Variants in CSMD1 observed in about 807,000 individuals in gnomAD.
The protein encoded by CSMD1 is CUB and sushi domain-containing protein 1.
CSMD1 carries 213 observed loss-of-function variants against 417.5 expected under a neutral mutation model. The ratio of observed to expected loss-of-function variants is 0.51; its 90% CI spans 0.46 to 0.57. The LOEUF (loss-of-function observed/expected upper bound fraction) is 0.57, where lower values mean the gene tolerates loss of function less well. Ranked by LOEUF, CSMD1 falls within the 20% of genes least tolerant of loss-of-function variation. The pLI is 0.00. For missense variants in CSMD1, 6,923 were observed against 4,529.7 expected (o/e 1.53, Z -15.17); for synonymous variants, 2,862 against 1,736.8 (o/e 1.65, Z -16.11).
At chr8:3,175,555 C>G (rs1325152288) in intron 37 of CSMD1, among the ~76,000 whole-genome samples, 4 of 144,990 alleles carry the variant, frequency 2.8e-5, no homozygotes, top group African/African-American at 7.6e-5. Context: ...CTCCCTCTCT[C>G]CCTCCCTGCC....
intron 37 of CSMD1, 122 bp from the exon 38 acceptor site, chr8:3,162,399 T>C: frequency 1.5e-6 from 1 of 666,946 alleles, no homozygotes; most frequent in Non-Finnish European, 2.6e-6. Flanking sequence ...CTTCAACTCT[T>C]TCTCTTGTTA....
chr8:4,165,547 G>C (rs1275288018), intron 3 of CSMD1, among the ~76,000 whole-genome samples: 1 of 152,114 alleles, frequency 6.6e-6, no homozygotes, highest in African/African-American at 2.4e-5. Flanking sequence ...GGGACCTCCG[G>C]TGCACCACCA....
intron 1 of CSMD1, among the ~76,000 whole-genome samples, chr8:4,881,460 T>TATCTATCTATCTATC (rs138999962): frequency 3.5e-4 from 36 of 104,124 alleles, no homozygotes; most frequent in East Asian, 1.1e-3. Context: ...TCTATCTATC[T>TATCTATCTATCTATC]ATCTTGTCTC....
At chr8:3,544,535 C>T (rs561289161) in intron 10 of CSMD1, among the ~76,000 whole-genome samples, 12 of 152,182 alleles carry the variant, frequency 7.9e-5, no homozygotes, top group African/African-American at 2.6e-4. Context: ...ACTGTGGACT[C>T]GCCCTGAATT....
chr8:4,969,665 G>C (rs975930637), intron 1 of CSMD1, among the ~76,000 whole-genome samples: 2 of 151,922 alleles, frequency 1.3e-5, no homozygotes, highest in African/African-American at 2.4e-5. Flanking sequence ...CATTGATTTC[G>C]AGGTGTGTCA....
At chr8:4,325,333 G>A (rs1449176086) in intron 3 of CSMD1, among the ~76,000 whole-genome samples, 2 of 152,210 alleles carry the variant, frequency 1.3e-5, no homozygotes, top group Non-Finnish European at 2.9e-5. Context: ...AGTTGGAGGT[G>A]GAGGGTTCTC....
chr8:4,768,857 G>A (rs894712645), intron 1 of CSMD1, among the ~76,000 whole-genome samples: 2 of 152,204 alleles, frequency 1.3e-5, no homozygotes, highest in African/African-American at 4.8e-5. Context: ...GGAGGTGGCT[G>A]AGACATGACT....
At chr8:3,731,135 CA>C (rs1796227708) in intron 6 of CSMD1, among the ~76,000 whole-genome samples, 1 of 152,134 alleles carries the variant, frequency 6.6e-6, no homozygotes, top group Non-Finnish European at 1.5e-5. Flanking sequence ...TCTATATATC[CA>C]TAAATATTTC....
At chr8:3,368,664 G>A (rs767083618) in intron 19 of CSMD1, among the ~76,000 whole-genome samples, 6 of 152,072 alleles carry the variant, frequency 3.9e-5, no homozygotes, top group Admixed American at 6.6e-5. Flanking sequence ...AAGATGACAC[G>A]TTTAGTCACA....
chr8:4,088,139 C>G (rs147345122), intron 3 of CSMD1, among the ~76,000 whole-genome samples: 4 of 152,206 alleles, frequency 2.6e-5, no homozygotes, highest in Non-Finnish European at 5.9e-5. Context: ...GAGGAGGACA[C>G]TGCCCATTCT....
At chr8:4,395,597 G>C (rs1258228579) in intron 3 of CSMD1, among the ~76,000 whole-genome samples, 1 of 151,832 alleles carries the variant, frequency 6.6e-6, no homozygotes, top group Non-Finnish European at 1.5e-5. Context: ...TAGATTTCAG[G>C]ATAAAATTAT....
chr8:4,883,878 C>G (rs1803564862), intron 1 of CSMD1, among the ~76,000 whole-genome samples: 2 of 151,918 alleles, frequency 1.3e-5, no homozygotes, highest in Admixed American at 1.3e-4. Context: ...CATATGGTAA[C>G]TTTATGTCTA....
chr8:4,809,245 A>G (rs1260430803), intron 1 of CSMD1, among the ~76,000 whole-genome samples: 1 of 152,168 alleles, frequency 6.6e-6, no homozygotes, highest in Non-Finnish European at 1.5e-5. Context: ...ATGAATTAGG[A>G]AAAAATACTT....
At chr8:3,169,425 G>C (rs1454595610) in intron 37 of CSMD1, among the ~76,000 whole-genome samples, 1 of 151,580 alleles carries the variant, frequency 6.6e-6, no homozygotes, top group Non-Finnish European at 1.5e-5. Flanking sequence ...TCAAAAAAAA[G>C]ACAAATATTG....
chr8:3,096,806 A>G (rs1337254630), intron 47 of CSMD1, 43 bp downstream of exon 47: 2 of 1,231,138 alleles, frequency 1.6e-6, no homozygotes, highest in Admixed American at 5.1e-5. Context: ...GTTTTTATCA[A>G]TGATGCCGAG....
chr8:3,557,524 A>C (rs192467093), intron 10 of CSMD1, among the ~76,000 whole-genome samples: 37 of 150,670 alleles, frequency 2.5e-4, no homozygotes, highest in Admixed American at 2.2e-3. Flanking sequence ...GAAACAAACA[A>C]ACACTCTTTA....
chr8:4,423,761 T>C (rs748432928), intron 2 of CSMD1, among the ~76,000 whole-genome samples: 1 of 151,942 alleles, frequency 6.6e-6, no homozygotes, highest in Admixed American at 6.6e-5. Context: ...AGCTCAAACA[T>C]TTTGCGAGAG....
chr8:4,897,306 A>G lies in CSMD1; in HGVS notation c.85+97026T>C, dbSNP rs1804560762. Among the ~76,000 whole-genome samples, 3 of 152,136 alleles carry G rather than the reference A, an allele frequency of 2.0e-5. No individual in the cohort carries two copies. The South Asian group carries it at 6.2e-4, about 31-fold the overall frequency. ...TTTAGGTAAGAAAAAAACGGAAAAA[A>G]TAAAATAGAGTTTTACCAAGTATGC... On this transcript the variant is annotated intron_variant, in intron 1 of 69. Transcript: ENST00000635120.
At chr8:3,395,006 A>G (rs1811600805) in intron 17 of CSMD1, among the ~76,000 whole-genome samples, 1 of 152,170 alleles carries the variant, frequency 6.6e-6, no homozygotes, top group African/African-American at 2.4e-5. Context: ...TGTAAAACCG[A>G]GGAATGCACA....
Sources: gnomAD v4.1 joint callset for allele counts (sites outside exome capture counted in the v4.1 genomes callset) on GRCh38, gnomAD v4.1.1 for gene constraint, MANE v1.5 for transcripts, NCBI Gene and HGNC (gene_info 2026-07-23, HGNC 2026-07-21) for gene names.